Variants in PCDHA8 observed in about 807,000 individuals in gnomAD.
The protein encoded by PCDHA8 is protocadherin alpha 8, also known as protocadherin alpha-8.
PCDHA8 carries 53 observed loss-of-function variants against 61.8 expected under a neutral mutation model. That is an observed-to-expected ratio of 0.86 (90% CI 0.69 to 1.08). The LOEUF is 1.08. Ranked by LOEUF, PCDHA8 falls within the 50% of genes least tolerant of loss-of-function variation. The probability of loss-of-function intolerance (pLI) is 0.00; values close to 1 mark genes in which losing one functional copy is unlikely to be tolerated. For missense variants in PCDHA8, 1,293 were observed against 1,245.0 expected, an observed-to-expected ratio of 1.04 and a Z score of -0.58; for synonymous variants, 618 against 556.6, an observed-to-expected ratio of 1.11 and a Z score of -1.55.
At chr5:140,891,502 T>C (rs11748559) in intron 1 of PCDHA8, among the ~76,000 whole-genome samples, 18,999 of 152,020 alleles carry the variant, frequency 0.12, 1,247 homozygotes, top group Middle Eastern at 0.19. Context: ...TCCTCAGCTA[T>C]AATGTTCTCC....
At chr5:140,857,939 A>C in intron 1 of PCDHA8, 1 of 1,597,618 alleles carries the variant, frequency 6.3e-7, no homozygotes, top group Middle Eastern at 1.7e-4. Flanking sequence ...GGGCGAGATC[A>C]GTACGACGCG....
At position 140,842,992 on chromosome 5, in the gene PCDHA8, C is replaced by G. The variant is rs144435690; in HGVS notation, c.1671C>G (p.Asp557Glu). The change falls in exon 1 of 4, where the codon GAC becomes GAG. Residue 557 changes from aspartate (D) to glutamate (E), a missense_variant. By Grantham distance (45) the Asp-to-Glu change is conservative. Coordinates refer to ENST00000531613, the MANE Select transcript of PCDHA8 (RefSeq NM_018911.3). ...SNVTLQVFVLDENDNAPALLE... is the reference protein window; with the variant it reads ...SNVTLQVFVLEENDNAPALLE... The stretch of plus-strand genomic sequence containing the variant: ...TGACGCTGCAGGTGTTCGTGCTGGA[C>G]GAGAATGACAACGCGCCGGCACTGC... 42 of 1,594,970 alleles carry G rather than the reference C, an allele frequency of 2.6e-5. 1 individual carries two copies. In the African/African-American group the frequency reaches 5.2e-4, roughly 20 times the overall value.
chr5:140,869,880 T>C (rs923843539), intron 1 of PCDHA8: 12 of 1,610,162 alleles, frequency 7.5e-6, no homozygotes, highest in South Asian at 3.3e-5. Flanking sequence ...CTAAAGAAAC[T>C]CTTGTGCTCA....
chr5:140,858,506 A>C (rs1581511575), intron 1 of PCDHA8: 1 of 1,447,272 alleles, frequency 6.9e-7, no homozygotes, highest in Non-Finnish European at 9.5e-7. Context: ...CATTTTCTCA[A>C]ATATGTATCA....
Position 140,842,803 on chromosome 5 carries a change from T to G in PCDHA8, c.1482T>G (p.Leu494=), listed in dbSNP as rs141140865. 5,439 of 1,594,064 alleles carry G rather than the reference T, an allele frequency of 3.4e-3. 534 individuals carry two copies. In the African/African-American group the frequency reaches 0.06, roughly 17 times the overall value. The change falls in exon 1 of 4, where the codon CTT becomes CTG. Residue 494 remains leucine, a synonymous_variant. Transcript: ENST00000531613. Reference sequence around the variant, plus strand: ...AGAACGCGCTGGTGTCCTACTCGCTTGTGGAGCGGCGGGTGGGCGAGCGCT... The same window carrying G: ...AGAACGCGCTGGTGTCCTACTCGCTGGTGGAGCGGCGGGTGGGCGAGCGCT... The part of the protein sequence containing the change: ...AQENALVSYS[L]VERRVGERSL...
intron 1 of PCDHA8, chr5:140,882,976 T>A: frequency 6.2e-7 from 1 of 1,614,220 alleles, no homozygotes; most frequent in South Asian, 1.1e-5. Context: ...TGGACGTGAA[T>A]GACAACGCCC....
chr5:140,929,153 A>G (rs1554206749), intron 1 of PCDHA8: 1 of 1,614,164 alleles, frequency 6.2e-7, no homozygotes, highest in East Asian at 2.2e-5. Context: ...TCTCAGACTT[A>G]TCTCTATCGG....
chr5:140,914,724 G>A (rs923867157), intron 1 of PCDHA8, among the ~76,000 whole-genome samples: 1 of 150,732 alleles, frequency 6.6e-6, no homozygotes, highest in Non-Finnish European at 1.5e-5. Flanking sequence ...TTTATTTTTT[G>A]TGTATCCATT....
chr5:140,869,885 T>C (rs2051479155), intron 1 of PCDHA8: 7 of 1,610,426 alleles, frequency 4.3e-6, no homozygotes, highest in South Asian at 1.1e-5. Context: ...GAAACTCTTG[T>C]GCTCAAACTA....
rs77462249 is a variant in PCDHA8 at position 141,008,293 on chromosome 5, C to G, written c.2543-1334C>G. ...ATAGGAAATTGAAATAGCAGTTGTA[C>G]CCAACCCTAAACTGTAATTGAACAT... On this transcript the variant is annotated intron_variant, in intron 3 of 3. Coordinates refer to ENST00000531613, the MANE Select transcript of PCDHA8 (RefSeq NM_018911.3). 3.5e-3 allele frequency among the ~76,000 whole-genome samples: 527 copies of G among 152,254 alleles called. 1 individual carries two copies. The highest frequency in any genetic ancestry group is 5.9e-3 in the Non-Finnish European group (399 of 68,006).
chr5:140,933,653 GTCTC>G (rs1245688430), intron 1 of PCDHA8, among the ~76,000 whole-genome samples: 3 of 151,982 alleles, frequency 2.0e-5, no homozygotes, highest in East Asian at 1.9e-4. Context: ...TGGAAATCCT[GTCTC>G]TCTCTCTGTC....
At chr5:140,871,074 G>A (rs1210767724) in intron 1 of PCDHA8, 1 of 1,613,096 alleles carries the variant, frequency 6.2e-7, no homozygotes, top group African/African-American at 1.3e-5. Context: ...GTGAGCCGGC[G>A]CTGACGGCCA....
chr5:140,883,707 A>C, intron 1 of PCDHA8: 1 of 1,613,636 alleles, frequency 6.2e-7, no homozygotes. Context: ...GTGTCTGCTC[A>C]GGACGCGGAC....
chr5:140,842,521 C>G lies in PCDHA8; in HGVS notation c.1200C>G (p.Thr400=), dbSNP rs144333530. ...ATGTCCCCTTCAAGCTGGTGTCCAC[C>G]TTCAAGAATTACTACTCGTTGGTGC... ...MPHVPFKLVS[T]FKNYYSLVLD... is the part of the protein sequence containing the mutation. The change falls in exon 1 of 4, where the codon ACC becomes ACG. Residue 400 remains threonine (T), a synonymous_variant. Coordinates refer to ENST00000531613, the MANE Select transcript of PCDHA8 (RefSeq NM_018911.3). 5.7e-4 allele frequency: 916 copies of G among 1,613,508 alleles called. 20 individuals are homozygous for G. Among genetic ancestry groups the G allele is most frequent in the Non-Finnish European group, 7.4e-4 (868 of 1,179,496 alleles).
At chr5:140,966,477 T>C in intron 1 of PCDHA8, 1 of 432,754 alleles carries the variant, frequency 2.3e-6, no homozygotes, top group Non-Finnish European at 4.0e-6. Context: ...TTCTGTTTCC[T>C]TTTCCCTCCC....
rs2150317250 is a variant in PCDHA8, at chr5:140,841,517, G to T, written c.196G>T (p.Val66Leu). 29 of 1,613,422 alleles carry T rather than the reference G, an allele frequency of 1.8e-5. No homozygotes were observed. Among genetic ancestry groups the T allele is most frequent in the Non-Finnish European group, 2.3e-5 (27 of 1,179,966 alleles). The part of the protein sequence containing the change: ...LAELVPRLFR[V>L]ASKRHRDLLE... ...GGAGCTGGTGCCGCGCCTGTTCCGG[G>T]TGGCGTCCAAAAGACACCGGGACCT... The change falls in exon 1 of 4, where the codon GTG becomes TTG. Residue 66 changes from valine to leucine, a missense_variant. By Grantham distance (32) the Val-to-Leu change is conservative. Transcript: ENST00000531613.
intron 1 of PCDHA8, chr5:140,968,109 A>G (rs2096220086): frequency 6.2e-7 from 1 of 1,614,046 alleles, no homozygotes; most frequent in African/African-American, 1.3e-5. Context: ...GGAATACCGC[A>G]GCTCACATCC....
At position 141,009,895 on chromosome 5, in the gene PCDHA8, A is replaced by G; in HGVS notation, c.2811A>G (p.Lys937=). ...AGAAGGGTAACAAGACCCAGGAGAA[A>G]AAAGAGAAAGGGAACAGCACGACTG... ...KKKKGNKTQE[K]KEKGNSTTDN... The change falls in exon 4 of 4, where the codon AAA becomes AAG. Residue 937 remains lysine (K), a synonymous_variant. Coordinates refer to ENST00000531613, the MANE Select transcript of PCDHA8 (RefSeq NM_018911.3). 2 of 1,613,224 alleles carry G rather than the reference A, an allele frequency of 1.2e-6. No homozygotes were observed. Among genetic ancestry groups the G allele is most frequent in the Non-Finnish European group, 1.7e-6 (2 of 1,179,866 alleles).
rs146253628 is a variant in PCDHA8 at position 140,848,781 on chromosome 5, T to G, written c.2394+5066T>G. On this transcript the variant is annotated intron_variant, in intron 1 of 3. Coordinates refer to ENST00000531613, the MANE Select transcript of PCDHA8 (RefSeq NM_018911.3). ...TTCTCGGATCGACCGCGAGGAGCTG[T>G]GCGGGCGGAGCGCGGAGTGCAGCAT... 4,068 of 1,593,236 alleles carry G rather than the reference T, an allele frequency of 2.6e-3. 389 individuals are homozygous for G. The highest frequency in any genetic ancestry group is 3.0e-3 in the Non-Finnish European group (3,446 of 1,164,036).
Sources: gnomAD v4.1 joint callset for allele counts (sites outside exome capture counted in the v4.1 genomes callset) on GRCh38, gnomAD v4.1.1 for gene constraint, MANE v1.5 for transcripts, NCBI Gene and HGNC (gene_info 2026-07-23, HGNC 2026-07-21) for gene names.